CNTNAP4: variants seen among roughly 807,000 people sequenced by gnomAD.
CNTNAP4 encodes the protein contactin associated protein family member 4, also known as contactin-associated protein-like 4.
CNTNAP4 carries 98 observed loss-of-function variants against 148.4 expected under a neutral mutation model. That is an observed-to-expected ratio of 0.66 (90% CI 0.56 to 0.78). CNTNAP4 has a LOEUF of 0.78. Among genes scored for constraint, CNTNAP4 ranks in the 30% least tolerant of loss-of-function variants. The pLI, the probability that CNTNAP4 is intolerant of heterozygous loss-of-function variation, is 0.00. For missense variants in CNTNAP4, 1,935 were observed against 1,565.6 expected, an observed-to-expected ratio of 1.24 and a Z score of -3.98; for synonymous variants, 730 against 565.1, an observed-to-expected ratio of 1.29 and a Z score of -4.14.
chr16:76,512,263 C>T (rs1013273480), intron 15 of CNTNAP4, among the ~76,000 whole-genome samples: 5 of 152,024 alleles, frequency 3.3e-5, no homozygotes, highest in East Asian at 1.9e-4. Flanking sequence ...TTTGAGAAGA[C>T]GAGTGATATG....
chr16:76,481,781 CAG>C (rs908549654), intron 12 of CNTNAP4, among the ~76,000 whole-genome samples: 3 of 152,086 alleles, frequency 2.0e-5, no homozygotes, highest in East Asian at 1.9e-4. Context: ...GCAGAGGAAA[CAG>C]AAAGTACCAA....
intron 3 of CNTNAP4, among the ~76,000 whole-genome samples, chr16:76,411,699 A>G (rs546008403): frequency 1.6e-4 from 25 of 151,576 alleles, no homozygotes; most frequent in Admixed American, 4.6e-4. Flanking sequence ...TTGCTTTTGG[A>G]TAAATACATG....
intron 17 of CNTNAP4, among the ~76,000 whole-genome samples, chr16:76,530,337 C>T (rs1216424382): frequency 6.6e-6 from 1 of 152,174 alleles, no homozygotes; most frequent in South Asian, 2.1e-4. Context: ...AATTGTTTAT[C>T]TTAATTACGC....
At chr16:76,402,624 C>T (rs79629085) in intron 3 of CNTNAP4, among the ~76,000 whole-genome samples, 6,293 of 152,068 alleles carry the variant, frequency 0.041, 460 homozygotes, top group African/African-American at 0.15. Flanking sequence ...TCTTGCTTCT[C>T]TAATTATTTC....
chr16:76,408,207 C>G (rs796315782), intron 3 of CNTNAP4, among the ~76,000 whole-genome samples: 11 of 152,062 alleles, frequency 7.2e-5, no homozygotes, highest in African/African-American at 2.7e-4. Flanking sequence ...GCAAAATATT[C>G]ACTTTATTGT....
intron 18 of CNTNAP4, among the ~76,000 whole-genome samples, chr16:76,537,078 G>C (rs1269595828): frequency 2.0e-5 from 3 of 152,052 alleles, no homozygotes; most frequent in Admixed American, 6.6e-5. Context: ...TATACTGCTG[G>C]TACCATTCTA....
At chr16:76,515,690 C>T (rs2064661660) in intron 15 of CNTNAP4, among the ~76,000 whole-genome samples, 1 of 152,078 alleles carries the variant, frequency 6.6e-6, no homozygotes, top group Non-Finnish European at 1.5e-5. Flanking sequence ...AGAAGGTATA[C>T]AGATGGCAAG....
At chr16:76,448,425 A>G (rs529628628) in intron 5 of CNTNAP4, among the ~76,000 whole-genome samples, 1 of 152,232 alleles carries the variant, frequency 6.6e-6, no homozygotes, top group South Asian at 2.1e-4. Context: ...CATAGTGCTG[A>G]TAGAACCATA....
chr16:76,290,045 A>G (rs1959051168), intron 1 of CNTNAP4, among the ~76,000 whole-genome samples: 1 of 152,208 alleles, frequency 6.6e-6, no homozygotes, highest in Admixed American at 6.5e-5. Context: ...GTTATCATTA[A>G]TAATGACAAA....
At chr16:76,306,073 C>T (rs151287718) in intron 1 of CNTNAP4, among the ~76,000 whole-genome samples, 44 of 152,188 alleles carry the variant, frequency 2.9e-4, no homozygotes, top group African/African-American at 8.7e-4. Context: ...GTGGGCACCT[C>T]GATTGATTCC....
At chr16:76,340,471 A>G (rs986917037) in intron 2 of CNTNAP4, among the ~76,000 whole-genome samples, 4 of 152,016 alleles carry the variant, frequency 2.6e-5, no homozygotes, top group Non-Finnish European at 5.9e-5. Flanking sequence ...GAGCACCACC[A>G]CCCAGAATGT....
At chr16:76,338,465 C>A (rs945865386) in intron 2 of CNTNAP4, among the ~76,000 whole-genome samples, 8 of 152,132 alleles carry the variant, frequency 5.3e-5, no homozygotes, top group Non-Finnish European at 1.0e-4. Flanking sequence ...TCATGTCATT[C>A]CTCTGCTTGG....
intron 17 of CNTNAP4, among the ~76,000 whole-genome samples, chr16:76,531,071 G>T (rs772250901): frequency 6.6e-6 from 1 of 152,132 alleles, no homozygotes; most frequent in Non-Finnish European, 1.5e-5. Flanking sequence ...ACTGTGCCAG[G>T]CAAATCTCTA....
rs146180657 is a variant in CNTNAP4, at chr16:76,477,767, T to A, written c.1763-1652T>A. ...TTTTAATTTTTTACATCCTCCATTA[T>A]CCCCATGTAGTAACTAACTCAAAAC... On this transcript the variant is annotated intron_variant, in intron 11 of 23. Coordinates refer to ENST00000611870, the MANE Select transcript of CNTNAP4 (RefSeq NM_033401.5). Among the ~76,000 whole-genome samples the A allele has an allele frequency of 5.0e-3, 754 of 152,246 alleles. 3 individuals carry two copies. Among genetic ancestry groups the A allele is most frequent in the Middle Eastern group, 0.017 (5 of 294 alleles).
chr16:76,301,996 C>A (rs189882996), intron 1 of CNTNAP4, among the ~76,000 whole-genome samples: 10 of 152,126 alleles, frequency 6.6e-5, no homozygotes, highest in Non-Finnish European at 1.0e-4. Context: ...CTTGCACAGG[C>A]CCAGTTGAAA....
At chr16:76,529,985 T>G (rs1043823484) in intron 17 of CNTNAP4, among the ~76,000 whole-genome samples, 11 of 152,148 alleles carry the variant, frequency 7.2e-5, no homozygotes, top group Admixed American at 7.2e-4. Context: ...ATTGGATAGC[T>G]TCCTTTATAA....
chr16:76,416,979 TC>T (rs1302082283), intron 3 of CNTNAP4, among the ~76,000 whole-genome samples: 1 of 151,498 alleles, frequency 6.6e-6, no homozygotes, highest in South Asian at 2.1e-4. Flanking sequence ...TCCCAAGTAA[TC>T]TTCCTTGTTC....
rs552393405 is a variant in CNTNAP4 at position 76,542,478 on chromosome 16, T to C, written c.3442+1688T>C. 2.0e-5 allele frequency among the ~76,000 whole-genome samples: 3 copies of C among 152,252 alleles called. No individual in the cohort carries two copies. The South Asian group carries it at 6.2e-4, about 32-fold the overall frequency. On this transcript the variant is annotated intron_variant, in intron 21 of 23. Transcript: ENST00000611870. The stretch of plus-strand genomic sequence containing the variant: ...GCAACAAAAACAAAGCCTCAACTGT[T>C]TTAACTGTGGGACCCATCTACTTCC...
intron 8 of CNTNAP4, 127 bp downstream of exon 8, chr16:76,452,896 T>C: frequency 2.4e-6 from 2 of 849,086 alleles, no homozygotes; most frequent in Non-Finnish European, 3.4e-6. Flanking sequence ...GTTAATAAGA[T>C]TATAAGTACT....
Sources: gnomAD v4.1 joint callset for allele counts (sites outside exome capture counted in the v4.1 genomes callset) on GRCh38, gnomAD v4.1.1 for gene constraint, MANE v1.5 for transcripts, NCBI Gene and HGNC (gene_info 2026-07-23, HGNC 2026-07-21) for gene names.